The following FMR1 variants were observed in gnomAD, a reference collection of about 807,000 sequenced individuals.
The protein encoded by FMR1 is fragile X messenger ribonucleoprotein 1.
In FMR1, 13 loss-of-function variants were observed where a neutral mutation model predicts 50.6. That is an observed-to-expected ratio of 0.26 (90% CI 0.17 to 0.41). FMR1 has a LOEUF of 0.41. Ranked by LOEUF, FMR1 falls within the 10% of genes least tolerant of loss-of-function variation. The pLI is 1.00. For synonymous variants in FMR1, 138 were observed against 164.1 expected (o/e 0.84, Z 1.22); for missense variants, 316 against 491.3 (o/e 0.64, Z 3.37).
chrX:147,947,555 A>C (rs1557182325), intron 16 of FMR1: 1 of 109,642 alleles, frequency 9.1e-6, no homozygotes, highest in Non-Finnish European at 1.9e-5. Flanking sequence ...CTAAAAATAC[A>C]AAAAATTAGC....
chrX:147,945,624 C>A lies in FMR1; in HGVS notation c.1737+8C>A, dbSNP rs73606790. On this transcript the variant is annotated splice_region_variant and intron_variant, in intron 16 of 16. Transcript: ENST00000370475. ...ACAGATGGATCCCTTCAGGTAAAAC[C>A]TGTCTGCCTCTTTTCATCTTAATTG... 5,877 of 1,137,098 alleles carry A rather than the reference C, an allele frequency of 5.2e-3. 185 individuals carry two copies. In the African/African-American group the frequency reaches 0.09, roughly 17 times the overall value. The allele number at this position is 1,137,098 out of a possible 1,213,427, so 93.7% of individuals were successfully genotyped here. A position where few individuals can be genotyped will look rare whatever the true frequency, so the allele number is the denominator to read the frequency against.
At chrX:147,933,041 C>A (rs1215909190) in intron 9 of FMR1, among the ~76,000 whole-genome samples, 1 of 67,113 alleles carries the variant, frequency 1.5e-5, no homozygotes, top group African/African-American at 5.9e-5. Context: ...CGCTATCCCT[C>A]CCCCCTCCCC....
intron 1 of FMR1, among the ~76,000 whole-genome samples, chrX:147,915,037 T>C (rs2042781878): frequency 8.9e-6 from 1 of 111,994 alleles, no homozygotes; most frequent in African/African-American, 3.2e-5. Context: ...GTTGGAGACA[T>C]AAGATACAAA....
chrX:147,925,474 G>C lies in FMR1; in HGVS notation c.105-66G>C, dbSNP rs574946600. 150 of 822,993 alleles carry C rather than the reference G, an allele frequency of 1.8e-4. 3 individuals are homozygous for C. In the South Asian group the frequency reaches 2.7e-3, roughly 15 times the overall value. The allele number at this position is 822,993 out of a possible 1,213,427, so 67.8% of individuals were successfully genotyped here. On this transcript the variant is annotated intron_variant, in intron 2 of 16. Transcript: ENST00000370475. Reference sequence around the variant, plus strand: ...CAGCCTTAACCAAAAGTTGATGGCAGAGTGGTCATTATTTCAGTTAAACAT... The same window carrying C: ...CAGCCTTAACCAAAAGTTGATGGCACAGTGGTCATTATTTCAGTTAAACAT...
intron 4 of FMR1, 73 bp from the exon 5 acceptor site, chrX:147,928,586 T>C (rs2043472645): frequency 1.0e-6 from 1 of 978,659 alleles, no homozygotes; most frequent in African/African-American, 1.9e-5. Flanking sequence ...TATTTTAAAA[T>C]AACTGAATAG....
chrX:147,928,213 T>A, intron 3 of FMR1, 109 bp from the exon 4 acceptor site: 1 of 686,516 alleles, frequency 1.5e-6, no homozygotes, highest in Non-Finnish European at 2.3e-6. Context: ...ACATGTGGTT[T>A]TTAAAGACAC....
chrX:147,927,757 A>G (rs1213705195), intron 3 of FMR1: 1 of 112,712 alleles, frequency 8.9e-6, no homozygotes, highest in Non-Finnish European at 1.8e-5. Flanking sequence ...GAGGATTGCC[A>G]CCATGAAGTT....
intron 1 of FMR1, among the ~76,000 whole-genome samples, chrX:147,914,890 G>A (rs2042773017): frequency 8.9e-6 from 1 of 112,080 alleles, no homozygotes; most frequent in African/African-American, 3.2e-5. Context: ...AAGTTTTGAT[G>A]TGTTGAGAAT....
chrX:147,945,598 A>G lies in FMR1; in HGVS notation c.1719A>G (p.Thr573=), dbSNP rs782440586. ...ATCCAAGAGAGGCTAAAGGAAGAAC[A>G]ACAGATGGATCCCTTCAGGTAAAAC... is the stretch of plus-strand genomic sequence containing the variant. ...PRNPREAKGR[T]TDGSLQIRVD... is the part of the protein sequence containing the mutation. The change falls in exon 16 of 17, where the codon ACA becomes ACG. Residue 573 remains threonine, a synonymous_variant. Coordinates refer to ENST00000370475, the MANE Select transcript of FMR1 (RefSeq NM_002024.6). 8.3e-7 allele frequency: 1 copy of G among 1,199,235 alleles called. No individual in the cohort carries two copies. The highest frequency in any genetic ancestry group is 1.7e-5 in the African/African-American group (1 of 57,245).
At chrX:147,919,513 T>C (rs1290561706) in intron 1 of FMR1, among the ~76,000 whole-genome samples, 5 of 112,514 alleles carry the variant, frequency 4.4e-5, no homozygotes, top group Admixed American at 3.7e-4. Flanking sequence ...ATATTGGTCA[T>C]TTAAATATAG....
intron 7 of FMR1, among the ~76,000 whole-genome samples, chrX:147,931,290 T>C (rs958754618): frequency 8.9e-6 from 1 of 111,922 alleles, no homozygotes; most frequent in East Asian, 2.8e-4. Flanking sequence ...ATCATACTTT[T>C]GGCTAACCAT....
intron 7 of FMR1, among the ~76,000 whole-genome samples, chrX:147,931,632 C>G (rs782522203): frequency 9.0e-6 from 1 of 111,555 alleles, no homozygotes; most frequent in South Asian, 3.7e-4. Context: ...GAACTGAACA[C>G]TAAATTTTGA....
intron 9 of FMR1, among the ~76,000 whole-genome samples, chrX:147,933,049 C>A (rs782637451): frequency 1.4e-5 from 1 of 69,791 alleles, no homozygotes; most frequent in East Asian, 6.1e-4. Flanking sequence ...CTCCCCCCTC[C>A]CCCCACCCCA....
Position 147,937,490 on chromosome X carries a change from C to T in FMR1, c.1015C>T (p.Pro339Ser), listed in dbSNP as rs2124541128. The T allele has an allele frequency of 8.3e-7, 1 of 1,205,355 alleles. No homozygotes were observed. Among genetic ancestry groups the T allele is most frequent in the Non-Finnish European group, 1.1e-6 (1 of 890,337 alleles). ...EEEIMPPNSL[P>S]SNNSRVGPNA... The stretch of plus-strand genomic sequence containing the variant: ...GGAAATTATGCCACCAAATTCCCTT[C>T]CTTCCAATAATTCAAGGGTTGGACC... The change falls in exon 11 of 17, where the codon CCT (proline) becomes TCT (serine). Residue 339 changes from proline (P) to serine (S), a missense_variant. By Grantham distance (74) the Pro-to-Ser change is moderately conservative. Around this residue, in one of 4 missense-constraint regions of FMR1, gnomAD observed 53 missense variants for 51.5 expected, o/e 1.03. Coordinates refer to ENST00000370475, the MANE Select transcript of FMR1 (RefSeq NM_002024.6).
Position 147,944,969 on chromosome X carries a change from C to T in FMR1, c.1572C>T (p.Ser524=), listed in dbSNP as rs143889976. The T allele has an allele frequency of 1.7e-3, 2,001 of 1,204,544 alleles. 4 individuals carry two copies. The highest frequency in any genetic ancestry group is 2.1e-3 in the Non-Finnish European group (1,872 of 892,705). Residue 524 remains serine (S), a synonymous_variant, in exon 15 of 17, where the codon AGC becomes AGT. Coordinates refer to ENST00000370475, the MANE Select transcript of FMR1 (RefSeq NM_002024.6). Reference sequence around the variant, plus strand: ...CTCCAACAGAGGAAGAGAGGGAGAGCTTCCTGCGCAGAGGAGACGGACGGC... The same window carrying T: ...CTCCAACAGAGGAAGAGAGGGAGAGTTTCCTGCGCAGAGGAGACGGACGGC... ...SLAPTEEERE[S]FLRRGDGRRR...
chrX:147,925,911 C>T (rs73606778), intron 3 of FMR1, among the ~76,000 whole-genome samples: 2,860 of 111,850 alleles, frequency 0.026, 98 homozygotes, highest in African/African-American at 0.087. Context: ...CTCTCAATTT[C>T]TGAATCTTTG....
At chrX:147,917,629 C>T (rs2042939956) in intron 1 of FMR1, among the ~76,000 whole-genome samples, 1 of 111,811 alleles carries the variant, frequency 8.9e-6, no homozygotes, top group Non-Finnish European at 1.9e-5. Context: ...AAAAAGAGTG[C>T]TTTTGTTGGG....
intron 1 of FMR1, among the ~76,000 whole-genome samples, chrX:147,917,082 A>G (rs1372529589): frequency 2.7e-5 from 3 of 111,996 alleles, no homozygotes; most frequent in Admixed American, 9.4e-5. Flanking sequence ...TCCTAACGAG[A>G]ATTATCATAG....
intron 9 of FMR1, among the ~76,000 whole-genome samples, chrX:147,934,345 G>A (rs1487254083): frequency 9.1e-6 from 1 of 110,479 alleles, no homozygotes; most frequent in Non-Finnish European, 1.9e-5. Flanking sequence ...TTTATTCTTT[G>A]GTGGCAATGT....
Sources: gnomAD v4.1 joint callset for allele counts (sites outside exome capture counted in the v4.1 genomes callset) on GRCh38, gnomAD v4.1.1 for gene constraint, gnomAD v4.1.1 regional missense constraint, MANE v1.5 for transcripts, NCBI Gene and HGNC (gene_info 2026-07-23, HGNC 2026-07-21) for gene names.